The following MGAT5 variants were observed in gnomAD, a reference collection of about 807,000 sequenced individuals.
MGAT5 encodes the protein alpha-1,6-mannosylglycoprotein 6-beta-N-acetylglucosaminyltransferase A.
In MGAT5, 30 loss-of-function variants were observed where a neutral mutation model predicts 94.3. That is an observed-to-expected ratio of 0.32 (90% CI 0.24 to 0.43). The LOEUF is 0.43. Ranked by LOEUF, MGAT5 falls within the 20% of genes least tolerant of loss-of-function variation. MGAT5 has a pLI of 1.00. For synonymous variants in MGAT5, 310 were observed against 322.9 expected, an observed-to-expected ratio of 0.96 and a Z score of 0.43; for missense variants, 691 against 905.5, an observed-to-expected ratio of 0.76 and a Z score of 3.04.
At chr2:134,330,951 A>G (rs1687934227) in intron 4 of MGAT5, among the ~76,000 whole-genome samples, 1 of 152,186 alleles carries the variant, frequency 6.6e-6, no homozygotes. Flanking sequence ...TATATCTAAC[A>G]ACATGCATAT....
intron 1 of MGAT5, among the ~76,000 whole-genome samples, chr2:134,131,786 T>G (rs1686186990): frequency 6.6e-6 from 1 of 152,116 alleles, no homozygotes; most frequent in Non-Finnish European, 1.5e-5. Context: ...TAAACAGAGT[T>G]GTAAAAAGAG....
At chr2:134,375,391 G>T (rs1419486277) in intron 10 of MGAT5, among the ~76,000 whole-genome samples, 2 of 152,160 alleles carry the variant, frequency 1.3e-5, no homozygotes, top group African/African-American at 2.4e-5. Context: ...TGTTGGTGTG[G>T]TACTGATTTC....
chr2:134,191,551 T>TAGG, intron 1 of MGAT5, among the ~76,000 whole-genome samples: 1 of 150,206 alleles, frequency 6.7e-6, no homozygotes, highest in East Asian at 2.1e-4. Flanking sequence ...GGGTTCCTGA[T>TAGG]AGGAGGGTGG....
chr2:134,130,015 C>T (rs1021881767), intron 1 of MGAT5, among the ~76,000 whole-genome samples: 1 of 152,188 alleles, frequency 6.6e-6, no homozygotes, highest in Non-Finnish European at 1.5e-5. Flanking sequence ...GTGGGCTCCG[C>T]GGGCCCCGCA....
At chr2:134,372,278 T>A (rs977260032) in intron 10 of MGAT5, among the ~76,000 whole-genome samples, 1 of 152,230 alleles carries the variant, frequency 6.6e-6, no homozygotes, top group Non-Finnish European at 1.5e-5. Context: ...GGGCCTTTGC[T>A]TCCCAGTACA....
chr2:134,289,470 T>C (rs767406282), intron 2 of MGAT5, among the ~76,000 whole-genome samples: 1 of 152,168 alleles, frequency 6.6e-6, no homozygotes, highest in Non-Finnish European at 1.5e-5. Context: ...GTTGTGTGCA[T>C]GTAGATGTTG....
At chr2:134,179,790 T>G (rs934073589) in intron 1 of MGAT5, among the ~76,000 whole-genome samples, 2 of 152,212 alleles carry the variant, frequency 1.3e-5, no homozygotes, top group African/African-American at 4.8e-5. Context: ...GAGTGAGACC[T>G]GCCGGGCTGC....
chr2:134,135,518 C>G (rs1013803293), intron 1 of MGAT5, among the ~76,000 whole-genome samples: 1 of 151,700 alleles, frequency 6.6e-6, no homozygotes, highest in Admixed American at 6.6e-5. Flanking sequence ...ATGGTGAAAC[C>G]CTGTCTCTAC....
intron 2 of MGAT5, among the ~76,000 whole-genome samples, chr2:134,278,413 A>ATTGGC (rs1684507109): frequency 2.0e-5 from 3 of 152,186 alleles, no homozygotes; most frequent in African/African-American, 7.2e-5. Context: ...CAGGGTCATG[A>ATTGGC]TTGGCTTGGC....
At chr2:134,146,796 G>A (rs935206250) in intron 1 of MGAT5, among the ~76,000 whole-genome samples, 4 of 152,174 alleles carry the variant, frequency 2.6e-5, no homozygotes, top group Non-Finnish European at 4.4e-5. Flanking sequence ...CCGCAGCCAT[G>A]TGCCTGCATG....
At chr2:134,162,904 T>C (rs1449843436) in intron 1 of MGAT5, among the ~76,000 whole-genome samples, 1 of 152,232 alleles carries the variant, frequency 6.6e-6, no homozygotes, top group Non-Finnish European at 1.5e-5. Flanking sequence ...TGAAGTGGGA[T>C]GACCTTAGTG....
intron 1 of MGAT5, among the ~76,000 whole-genome samples, chr2:134,229,469 G>GATTA (rs1681238920): frequency 6.6e-6 from 1 of 152,158 alleles, no homozygotes; most frequent in Non-Finnish European, 1.5e-5. Flanking sequence ...TAATTAATCA[G>GATTA]CTAAATAAGA....
chr2:134,394,252 A>C (rs368099580), intron 10 of MGAT5, among the ~76,000 whole-genome samples: 2 of 152,342 alleles, frequency 1.3e-5, no homozygotes, highest in East Asian at 3.9e-4. Context: ...ACAAGAAAGC[A>C]ATTACTTTTC....
rs969266268 is a variant in MGAT5 at position 134,451,699 on chromosome 2, T to C, written c.*2852T>C. Reference sequence around the variant, plus strand: ...CGCTATAATATCTTGCCTGTTTTTTTGGATTATTTTCCCCATTGTGATCCT... The same window carrying C: ...CGCTATAATATCTTGCCTGTTTTTTCGGATTATTTTCCCCATTGTGATCCT... On this transcript the variant is annotated 3_prime_UTR_variant, in exon 16 of 16. Coordinates refer to ENST00000281923, the MANE Select transcript of MGAT5 (RefSeq NM_002410.5). The C allele has an allele frequency of 1.3e-5, 2 of 152,258 alleles. No homozygotes were observed. The highest frequency in any genetic ancestry group is 2.4e-5 in the African/African-American group (1 of 41,468). The allele number at this position is 152,258 out of a possible 1,614,324, so 9.4% of individuals were successfully genotyped here.
chr2:134,429,562 A>G (rs2106381963), intron 14 of MGAT5, among the ~76,000 whole-genome samples: 1 of 152,332 alleles, frequency 6.6e-6, no homozygotes, highest in South Asian at 2.1e-4. Context: ...CGTAGGGCTG[A>G]TGTGAGGATT....
Position 134,441,743 on chromosome 2 carries a change from T to G in MGAT5, c.1870-15T>G, listed in dbSNP as rs1685497554. ...ATCCTTGGACCTGTGGCTGATGGCT[T>G]CATTGTCGTTCTAGGACTTCTGCCA... On this transcript the variant is annotated splice_polypyrimidine_tract_variant and intron_variant, in intron 14 of 15. Coordinates refer to ENST00000281923, the MANE Select transcript of MGAT5 (RefSeq NM_002410.5). 1 of 1,602,716 alleles carries G rather than the reference T, an allele frequency of 6.2e-7. No individual in the cohort carries two copies. The highest frequency in any genetic ancestry group is 1.3e-5 in the African/African-American group (1 of 74,684).
intron 4 of MGAT5, among the ~76,000 whole-genome samples, chr2:134,322,739 T>C (rs1229895312): frequency 6.6e-6 from 1 of 152,158 alleles, no homozygotes; most frequent in Non-Finnish European, 1.5e-5. Flanking sequence ...AAACTTTCCT[T>C]ATTCTGTTAT....
intron 10 of MGAT5, among the ~76,000 whole-genome samples, chr2:134,389,373 G>A (rs1224257926): frequency 6.6e-6 from 1 of 152,130 alleles, no homozygotes; most frequent in Non-Finnish European, 1.5e-5. Context: ...GTCATCTCAG[G>A]AAACAGACCT....
chr2:134,173,594 C>T (rs1688323133), intron 1 of MGAT5, among the ~76,000 whole-genome samples: 1 of 152,222 alleles, frequency 6.6e-6, no homozygotes, highest in South Asian at 2.1e-4. Context: ...GTCTTTCTGC[C>T]ACTAAATATG....
Sources: gnomAD v4.1 joint callset for allele counts (sites outside exome capture counted in the v4.1 genomes callset) on GRCh38, gnomAD v4.1.1 for gene constraint, MANE v1.5 for transcripts, NCBI Gene and HGNC (gene_info 2026-07-23, HGNC 2026-07-21) for gene names.